PTN: variants seen among roughly 807,000 people sequenced by gnomAD.
PTN encodes the protein pleiotrophin.
Under a neutral mutation model 24.1 loss-of-function variants are expected in PTN, and 18 were observed. That is an observed-to-expected ratio of 0.75 (90% confidence interval 0.52 to 1.11). The LOEUF (loss-of-function observed/expected upper bound fraction) is 1.11. Among genes scored for constraint, PTN ranks in the 50% least tolerant of loss-of-function variants. The pLI, the probability that PTN is intolerant of heterozygous loss-of-function variation, is 0.00. For synonymous variants in PTN, 78 were observed against 68.6 expected (o/e 1.14, Z -0.67); for missense variants, 163 against 198.8 (o/e 0.82, Z 1.08).
chr7:137,299,104 C>T (rs1585034907), intron 1 of PTN, among the ~76,000 whole-genome samples: 1 of 151,956 alleles, frequency 6.6e-6, no homozygotes, highest in African/African-American at 2.4e-5. Flanking sequence ...TTTCCATGGG[C>T]ACATTGCATT....
intron 1 of PTN, among the ~76,000 whole-genome samples, chr7:137,339,652 C>A (rs1033784843): frequency 6.6e-6 from 1 of 151,366 alleles, no homozygotes. Context: ...TAGGAAGGTC[C>A]AAGCTTCCAA....
intron 1 of PTN, among the ~76,000 whole-genome samples, chr7:137,338,791 C>T (rs1473680507): frequency 6.6e-6 from 1 of 152,064 alleles, no homozygotes; most frequent in Non-Finnish European, 1.5e-5. Flanking sequence ...TCTCCTCCTC[C>T]AAATAGAATT....
intron 1 of PTN, among the ~76,000 whole-genome samples, chr7:137,283,571 CTAGAACAT>C (rs1027641077): frequency 1.3e-5 from 2 of 152,188 alleles, no homozygotes; most frequent in African/African-American, 4.8e-5. Context: ...TCTTCCAAAA[CTAGAACAT>C]TACATGAGGT....
At chr7:137,339,327 A>G (rs115583357) in intron 1 of PTN, among the ~76,000 whole-genome samples, 1,822 of 152,236 alleles carry the variant, frequency 0.012, 41 homozygotes, top group African/African-American at 0.042. Context: ...TTTCTTAAAC[A>G]TGCTACATTG....
chr7:137,231,752 T>C (rs763933669), intron 4 of PTN, among the ~76,000 whole-genome samples: 9 of 152,090 alleles, frequency 5.9e-5, no homozygotes, highest in Non-Finnish European at 1.2e-4. Context: ...TAGAATCTTG[T>C]CAAATTTCAG....
chr7:137,278,301 C>T (rs1429336298), intron 1 of PTN, among the ~76,000 whole-genome samples: 3 of 53,310 alleles, frequency 5.6e-5, no homozygotes, highest in African/African-American at 7.2e-5. Flanking sequence ...AGCGAGACTC[C>T]GTCTCAAAAA....
intron 1 of PTN, among the ~76,000 whole-genome samples, chr7:137,259,367 C>T (rs758574729): frequency 6.6e-6 from 1 of 151,936 alleles, no homozygotes; most frequent in Non-Finnish European, 1.5e-5. Context: ...GGAGGCAAAA[C>T]CTTTGGCTCA....
intron 4 of PTN, among the ~76,000 whole-genome samples, chr7:137,247,170 C>T (rs1402342035): frequency 6.6e-6 from 1 of 152,058 alleles, no homozygotes; most frequent in Non-Finnish European, 1.5e-5. Context: ...CTGCAGCTTC[C>T]ACCCAAAATA....
At chr7:137,231,701 A>G (rs1415982293) in intron 4 of PTN, among the ~76,000 whole-genome samples, 1 of 151,966 alleles carries the variant, frequency 6.6e-6, no homozygotes, top group Non-Finnish European at 1.5e-5. Flanking sequence ...ACTATATAGA[A>G]AAGAGTATTT....
chr7:137,284,988 T>G (rs1036322791), intron 1 of PTN, among the ~76,000 whole-genome samples: 1 of 152,126 alleles, frequency 6.6e-6, no homozygotes, highest in Non-Finnish European at 1.5e-5. Context: ...TAAATAAATA[T>G]TAGAAGGTAA....
chr7:137,262,111 C>A (rs906516803), intron 1 of PTN, among the ~76,000 whole-genome samples: 7 of 152,038 alleles, frequency 4.6e-5, no homozygotes, highest in Admixed American at 4.6e-4. Context: ...TATTATTTTA[C>A]CTGAGATGCC....
intron 4 of PTN, among the ~76,000 whole-genome samples, chr7:137,250,673 GAGATAC>G (rs1476658656): frequency 2.0e-5 from 3 of 152,166 alleles, no homozygotes; most frequent in Admixed American, 1.3e-4. Flanking sequence ...GACTTTCTGG[GAGATAC>G]AGATCTCTGT....
intron 4 of PTN, among the ~76,000 whole-genome samples, chr7:137,238,836 A>G (rs1186057714): frequency 6.6e-6 from 1 of 152,198 alleles, no homozygotes; most frequent in Non-Finnish European, 1.5e-5. Flanking sequence ...AATAAATAGG[A>G]TACACTTTTA....
intron 1 of PTN, among the ~76,000 whole-genome samples, chr7:137,268,497 AG>A (rs1809203680): frequency 6.6e-6 from 1 of 152,070 alleles, no homozygotes; most frequent in African/African-American, 2.4e-5. Context: ...AACAACTCTA[AG>A]GGGGTCCACG....
intron 1 of PTN, among the ~76,000 whole-genome samples, chr7:137,289,873 C>T (rs1294216542): frequency 2.6e-5 from 4 of 152,190 alleles, no homozygotes; most frequent in African/African-American, 7.2e-5. Flanking sequence ...CATACCTGAA[C>T]TTCTGATTTA....
chr7:137,241,975 G>T (rs2128869333), intron 4 of PTN, among the ~76,000 whole-genome samples: 1 of 152,254 alleles, frequency 6.6e-6, no homozygotes, highest in Non-Finnish European at 1.5e-5. Context: ...AAGTCTCCCA[G>T]CCTAGCAAAG....
At chr7:137,292,339 G>A (rs948884730) in intron 1 of PTN, among the ~76,000 whole-genome samples, 4 of 152,154 alleles carry the variant, frequency 2.6e-5, no homozygotes, top group African/African-American at 9.7e-5. Context: ...TTGAATTGTA[G>A]TAATTCCCAT....
chr7:137,278,098 G>A (rs890872331), intron 1 of PTN, among the ~76,000 whole-genome samples: 6 of 151,514 alleles, frequency 4.0e-5, no homozygotes, highest in Non-Finnish European at 7.4e-5. Flanking sequence ...ACGAGGTCAG[G>A]AGATCGAGAC....
intron 1 of PTN, among the ~76,000 whole-genome samples, chr7:137,299,780 T>G (rs1221699002): frequency 6.6e-6 from 1 of 151,944 alleles, no homozygotes; most frequent in Non-Finnish European, 1.5e-5. Context: ...TTTGTTTCTG[T>G]GCTTGAGAAT....
Sources: allele counts gnomAD v4.1 joint callset (sites outside exome capture counted in the v4.1 genomes callset), GRCh38; gene constraint gnomAD v4.1.1; transcripts MANE v1.5; gene names NCBI Gene and HGNC (gene_info 2026-07-23, HGNC 2026-07-21).